DYNC2H1: variants seen among roughly 807,000 people sequenced by gnomAD.
DYNC2H1 encodes cytoplasmic dynein 2 heavy chain 1.
Under a neutral mutation model 570.0 loss-of-function variants are expected in DYNC2H1, and 410 were observed. The ratio of observed to expected loss-of-function variants is 0.72; its 90% CI spans 0.66 to 0.78. The LOEUF is 0.78. Ranked by LOEUF, DYNC2H1 falls within the 30% of genes least tolerant of loss-of-function variation. The pLI, the probability that DYNC2H1 is intolerant of heterozygous loss-of-function variation, is 0.00. For synonymous variants in DYNC2H1, 1,688 were observed against 1,677.6 expected (o/e 1.01, Z -0.15); for missense variants, 4,865 against 5,046.4 (o/e 0.96, Z 1.09).
At chr11:103,337,529 T>C (rs1478381778) in intron 82 of DYNC2H1, among the ~76,000 whole-genome samples, 1 of 152,206 alleles carries the variant, frequency 6.6e-6, no homozygotes, top group Non-Finnish European at 1.5e-5. Context: ...TTTCTCCACA[T>C]CCTCCGTAGC....
intron 83 of DYNC2H1, among the ~76,000 whole-genome samples, chr11:103,373,029 G>A (rs916459771): frequency 2.6e-5 from 4 of 151,984 alleles, no homozygotes; most frequent in Admixed American, 6.6e-5. Flanking sequence ...CTGCAGCCCC[G>A]ACTTCCTGGG....
intron 17 of DYNC2H1, among the ~76,000 whole-genome samples, chr11:103,141,206 C>T (rs950777371): frequency 3.9e-5 from 6 of 152,206 alleles, no homozygotes; most frequent in Non-Finnish European, 8.8e-5. Context: ...TCTCTCAACT[C>T]GTCAAAGTCA....
chr11:103,431,132 A>T (rs531759903), intron 84 of DYNC2H1, among the ~76,000 whole-genome samples: 1 of 151,820 alleles, frequency 6.6e-6, no homozygotes, highest in African/African-American at 2.4e-5. Context: ...TGCTTTTGTG[A>T]CATCTTTCAT....
At chr11:103,407,150 G>A (rs1272985630) in intron 84 of DYNC2H1, 2 of 151,600 alleles carry the variant, frequency 1.3e-5, no homozygotes, top group South Asian at 2.1e-4. Flanking sequence ...TTCTAGGCCT[G>A]TCCAGATGAG....
At chr11:103,447,886 G>A (rs1337477742) in intron 85 of DYNC2H1, among the ~76,000 whole-genome samples, 2 of 151,902 alleles carry the variant, frequency 1.3e-5, no homozygotes, top group Admixed American at 6.6e-5. Context: ...ACCAGATATT[G>A]TTGACATCCA....
chr11:103,125,592 G>A (rs1055173067), intron 12 of DYNC2H1, among the ~76,000 whole-genome samples: 2 of 152,056 alleles, frequency 1.3e-5, no homozygotes, highest in African/African-American at 4.8e-5. Context: ...TTCTAATTAA[G>A]GAGTCCTCTG....
In DYNC2H1 at chr11:103,256,575, A is replaced by T. The variant is rs1357218475; in HGVS notation, c.10461+335A>T. The stretch of plus-strand genomic sequence containing the variant: ...AGAGAATATCTTTGCCGTTCTTAGA[A>T]CTTTTCTTAAGTTAAGGCAAGTTAA... On this transcript the variant is annotated intron_variant, in intron 68 of 88. Transcript: ENST00000375735. The surrounding 1 kb of genome is among the most constrained non-coding windows in gnomAD (Gnocchi z 4.0). Among the ~76,000 whole-genome samples the T allele has an allele frequency of 1.3e-5, 2 of 152,176 alleles. No individual in the cohort carries two copies. The highest frequency in any genetic ancestry group is 2.9e-5 in the Non-Finnish European group (2 of 68,024).
rs373277437 is a variant in DYNC2H1 at position 103,174,052 on chromosome 11, C to G, written c.5559-3C>G. ...TGTGTTGATTTCCATGTCTCTATTT[C>G]AGGGAACTTTTGACACCTCAGCAAC... is the stretch of plus-strand genomic sequence containing the variant. On this transcript the variant is annotated splice_region_variant and splice_polypyrimidine_tract_variant and intron_variant, in intron 35 of 88. Coordinates refer to ENST00000375735, the MANE Select transcript of DYNC2H1 (RefSeq NM_001377.3). 2 of 1,572,234 alleles carry G rather than the reference C, an allele frequency of 1.3e-6. No individual in the cohort carries two copies. The highest frequency in any genetic ancestry group is 1.7e-6 in the Non-Finnish European group (2 of 1,156,798).
At chr11:103,390,855 C>A (rs1288797891) in intron 83 of DYNC2H1, among the ~76,000 whole-genome samples, 1 of 152,166 alleles carries the variant, frequency 6.6e-6, no homozygotes, top group Non-Finnish European at 1.5e-5. Context: ...AGAGTTTCTG[C>A]CAAGAGATCA....
At chr11:103,153,948 G>T (rs1421953983) in intron 22 of DYNC2H1, among the ~76,000 whole-genome samples, 1 of 151,770 alleles carries the variant, frequency 6.6e-6, no homozygotes, top group Non-Finnish European at 1.5e-5. Flanking sequence ...ACTGCTTTAG[G>T]TTTGTTCTAT....
intron 56 of DYNC2H1, 97 bp from the exon 57 acceptor site, chr11:103,220,526 C>T (rs1048740197): frequency 2.2e-5 from 27 of 1,204,910 alleles, no homozygotes; most frequent in Non-Finnish European, 3.4e-6. Context: ...TAACTATAGT[C>T]ATTTTGCATA....
In DYNC2H1 at chr11:103,256,039, A is replaced by G. The variant is rs1251471545; in HGVS notation, c.10327-67A>G. On this transcript the variant is annotated intron_variant, in intron 67 of 88. Coordinates refer to ENST00000375735, the MANE Select transcript of DYNC2H1 (RefSeq NM_001377.3). This position sits in a 1 kb window ranked among gnomAD's most constrained non-coding sequence, Gnocchi z 4.0. ...AAACATCAAATGAATGACAGTTAAT[A>G]TGGGTTTGCTTTAATTGGTTATTTT... 2.2e-6 allele frequency: 3 copies of G among 1,360,920 alleles called. No homozygotes were observed. The highest frequency in any genetic ancestry group is 3.0e-5 in the South Asian group (2 of 67,182). 84.3% of individuals were successfully genotyped at this position (1,360,920 alleles called of 1,614,324 possible). A position where few individuals can be genotyped will look rare whatever the true frequency, so the allele number is the denominator to read the frequency against.
intron 17 of DYNC2H1, 124 bp downstream of exon 17, chr11:103,136,072 A>G: frequency 1.3e-6 from 1 of 769,166 alleles, no homozygotes; most frequent in Non-Finnish European, 1.9e-6. Flanking sequence ...GGCAAAGCAG[A>G]GAGCTGGATT....
chr11:103,179,383 A>G, intron 39 of DYNC2H1, 150 bp downstream of exon 39: 1 of 645,386 alleles, frequency 1.5e-6, no homozygotes, highest in Non-Finnish European at 2.3e-6. Context: ...TAATTAATTC[A>G]GAGAGTTCCT....
In DYNC2H1 at chr11:103,151,172, C is replaced by A. The variant is rs992386867; in HGVS notation, c.2947-964C>A. On this transcript the variant is annotated intron_variant, in intron 20 of 88. Transcript: ENST00000375735. This position sits in a 1 kb window ranked among gnomAD's most constrained non-coding sequence, Gnocchi z 4.6. ...AATCCTGAGGTGTCCAATCATAGTT[C>A]ACTGCAGCCTCAAACTCCTGGGCTC... Among the ~76,000 whole-genome samples the A allele has an allele frequency of 3.9e-5, 6 of 152,120 alleles. No individual in the cohort carries two copies. The highest frequency in any genetic ancestry group is 1.4e-4 in the African/African-American group (6 of 41,428).
chr11:103,135,861 T>G lies in DYNC2H1; in HGVS notation c.2487T>G (p.Ile829Met). The change falls in exon 17 of 89, where the codon ATT becomes ATG. Residue 829 changes from isoleucine to methionine, a missense_variant. Ile to Met is a conservative substitution (Grantham distance 10). Coordinates refer to ENST00000375735, the MANE Select transcript of DYNC2H1 (RefSeq NM_001377.3). ...ATGAATCTATTTTTTCTATTATGATTGATAGAAATGCAAGTGGATTTTTGA... is the reference window on the plus strand; with the variant it reads ...ATGAATCTATTTTTTCTATTATGATGGATAGAAATGCAAGTGGATTTTTGA... ...AGDESIFSIM[I>M]DRNASGFLTI... 6.2e-7 allele frequency: 1 copy of G among 1,613,084 alleles called. No homozygotes were observed. The highest frequency in any genetic ancestry group is 8.5e-7 in the Non-Finnish European group (1 of 1,179,558).
chr11:103,342,335 CTG>C (rs1169319572), intron 82 of DYNC2H1, among the ~76,000 whole-genome samples: 4 of 151,982 alleles, frequency 2.6e-5, no homozygotes, highest in Non-Finnish European at 5.9e-5. Flanking sequence ...AATCAGCACT[CTG>C]TAAAATGGAC....
rs1858218576 is a variant in DYNC2H1, at chr11:103,113,553, CA to C, written c.216del (p.Asp73IlefsTer13). On this transcript the variant is annotated frameshift_variant, in exon 2 of 89. Coordinates refer to ENST00000375735, the MANE Select transcript of DYNC2H1 (RefSeq NM_001377.3). LOFTEE classifies it high-confidence loss of function. ...TCACTTTAGATTGAGTTTGGTGACACAAAAGATAAAGTGCTGGTGTTTTTCA... is the reference window on the plus strand; with the variant it reads ...TCACTTTAGATTGAGTTTGGTGACACAAAGATAAAGTGCTGGTGTTTTTCA... ...SFSNTIEFGD[T>X]KDKVLVFFKL... The C allele has an allele frequency of 1.3e-6, 2 of 1,559,562 alleles. No homozygotes were observed. Among genetic ancestry groups the C allele is most frequent in the Non-Finnish European group, 1.7e-6 (2 of 1,159,228 alleles).
At position 103,186,200 on chromosome 11, in the gene DYNC2H1, T is replaced by G; in HGVS notation, c.6634-42T>G. ...GGAAGAATTTTAAAATGTCACACAC[T>G]CTGGAGTATGTGAAAACTTATCACA... On this transcript the variant is annotated intron_variant, in intron 41 of 88. Transcript: ENST00000375735. This position sits in a 1 kb window ranked among gnomAD's most constrained non-coding sequence, Gnocchi z 4.5. 1 of 1,577,538 alleles carries G rather than the reference T, an allele frequency of 6.3e-7. No individual in the cohort carries two copies. The highest frequency in any genetic ancestry group is 8.6e-7 in the Non-Finnish European group (1 of 1,159,104).
Sources: allele counts gnomAD v4.1 joint callset (sites outside exome capture counted in the v4.1 genomes callset), GRCh38; gene constraint gnomAD v4.1.1; non-coding constraint Gnocchi (gnomAD v3.1); transcripts MANE v1.5; gene names NCBI Gene and HGNC (gene_info 2026-07-23, HGNC 2026-07-21).